Variants in NEK3 observed in about 807,000 individuals in gnomAD.
NEK3 encodes NIMA related kinase 3.
In NEK3, 54 loss-of-function variants were observed where a neutral mutation model predicts 66.0. That is an observed-to-expected ratio of 0.82 (90% CI 0.66 to 1.03). NEK3 has a LOEUF of 1.03. NEK3 is among the 50% of genes least tolerant of loss of function. NEK3 has a pLI of 0.00. For missense variants in NEK3, 593 were observed against 603.0 expected (o/e 0.98, Z 0.17); for synonymous variants, 200 against 206.2 (o/e 0.97, Z 0.26).
intron 2 of NEK3, among the ~76,000 whole-genome samples, chr13:52,155,675 A>G (rs1490582413): frequency 6.8e-6 from 1 of 146,250 alleles, no homozygotes; most frequent in African/African-American, 2.4e-5. Flanking sequence ...TAAAACTCAA[A>G]AACTTATTAT....
chr13:52,150,476 A>G (rs956900220), intron 7 of NEK3, among the ~76,000 whole-genome samples: 3 of 152,192 alleles, frequency 2.0e-5, no homozygotes, highest in Admixed American at 6.6e-5. Context: ...GTAAATGAAG[A>G]AAAAAACATC....
In NEK3 at chr13:52,144,593, A is replaced by G. The variant is rs1956277941; in HGVS notation, c.804+98T>C. On this transcript the variant is annotated intron_variant, in intron 9 of 15. Coordinates refer to ENST00000610828, the MANE Select transcript of NEK3 (RefSeq NM_002498.3). ...TTTAATATACTTCTGTATCATTTGG[A>G]TTTTGATGAGCACATGTAATGTATA... is the stretch of plus-strand genomic sequence containing the variant. 7.2e-6 allele frequency: 7 copies of G among 973,228 alleles called. No homozygotes were observed. In the South Asian group the frequency reaches 9.7e-5, roughly 13 times the overall value. The allele number at this position is 973,228 out of a possible 1,614,324, so 60.3% of individuals were successfully genotyped here.
At chr13:52,156,435 C>A in intron 1 of NEK3, 187 bp from the exon 2 acceptor site, 1 of 324,348 alleles carries the variant, frequency 3.1e-6, no homozygotes, top group Non-Finnish European at 5.7e-6. Flanking sequence ...CCAATTTGCT[C>A]TTTGCCCTCC....
chr13:52,135,668 T>G, intron 14 of NEK3, 61 bp downstream of exon 14: 3 of 1,449,596 alleles, frequency 2.1e-6, no homozygotes, highest in Non-Finnish European at 2.8e-6. Flanking sequence ...ATGTTATATA[T>G]ATTTGCCACA....
At chr13:52,144,354 T>A (rs1002686136) in intron 9 of NEK3, among the ~76,000 whole-genome samples, 2 of 152,132 alleles carry the variant, frequency 1.3e-5, no homozygotes, top group African/African-American at 2.4e-5. Context: ...AGGTGGAGGT[T>A]GCAGTGAGCC....
Position 52,133,214 on chromosome 13 carries a change from C to T in NEK3, c.1449G>A (p.Glu483=), listed in dbSNP as rs1816618569. ...ACACCCAGTCGGGGTTGTCATCTTC[C>T]TCCTCAAAGTCCCTGTGAAAAAACA... ...GLDEEDTDFE[E]EDDNPDWVSE... is the part of the protein sequence containing the mutation. The change falls in exon 16 of 16, where the codon GAG becomes GAA. Residue 483 remains glutamate (E), a synonymous_variant. Coordinates refer to ENST00000610828, the MANE Select transcript of NEK3 (RefSeq NM_002498.3). 2 of 1,607,084 alleles carry T rather than the reference C, an allele frequency of 1.2e-6. No homozygotes were observed. Among genetic ancestry groups the T allele is most frequent in the South Asian group, 2.2e-5 (2 of 89,122 alleles).
intron 5 of NEK3, among the ~76,000 whole-genome samples, chr13:52,152,069 AT>A (rs766039459): frequency 3.3e-5 from 5 of 152,224 alleles, no homozygotes; most frequent in Non-Finnish European, 5.9e-5. Flanking sequence ...CTGAGTACTT[AT>A]CCCCCTGTCG....
chr13:52,143,483 A>G (rs1201292014), intron 10 of NEK3, among the ~76,000 whole-genome samples: 1 of 152,170 alleles, frequency 6.6e-6, no homozygotes, highest in Non-Finnish European at 1.5e-5. Context: ...CCCATCACCC[A>G]GAGTCCACAG....
chr13:52,140,792 T>G (rs1956242487), intron 11 of NEK3, among the ~76,000 whole-genome samples: 1 of 151,902 alleles, frequency 6.6e-6, no homozygotes, highest in Non-Finnish European at 1.5e-5. Flanking sequence ...TAACCCGGTA[T>G]CCAGGAGGTA....
At chr13:52,158,698 C>G (rs1014701935) in intron 1 of NEK3, among the ~76,000 whole-genome samples, 1 of 152,182 alleles carries the variant, frequency 6.6e-6, no homozygotes, top group Non-Finnish European at 1.5e-5. Context: ...TCGGCCCCTT[C>G]GCATGCCTGC....
At chr13:52,146,026 T>C (rs747232243) in intron 8 of NEK3, among the ~76,000 whole-genome samples, 6 of 152,200 alleles carry the variant, frequency 3.9e-5, no homozygotes, top group Non-Finnish European at 7.3e-5. Flanking sequence ...GCATATTATG[T>C]TTTTATTTAT....
chr13:52,156,886 A>G (rs1052829964), intron 1 of NEK3: 6 of 152,232 alleles, frequency 3.9e-5, no homozygotes, highest in African/African-American at 1.4e-4. Flanking sequence ...GCAGACACTG[A>G]GCACCAACTC....
rs1433556996 is a variant in NEK3 at position 52,133,762 on chromosome 13, T to C, written c.1363A>G (p.Ser455Gly). Residue 455 changes from serine to glycine, a missense_variant, in exon 15 of 16, where the codon AGT (serine) becomes GGT (glycine). Coordinates refer to ENST00000610828, the MANE Select transcript of NEK3 (RefSeq NM_002498.3). The stretch of plus-strand genomic sequence containing the variant: ...ACAGAATCGTGACCTCCATCAACAC[T>C]GTCCGATGCTTCTGTTTCTTCAGAC... ...PLSEETEASD[S>G]VDGGHDSVIL... 1.3e-6 allele frequency: 2 copies of C among 1,591,250 alleles called. No individual in the cohort carries two copies. Among genetic ancestry groups the C allele is most frequent in the South Asian group, 2.3e-5 (2 of 87,342 alleles).
chr13:52,158,724 A>C (rs1287824724), intron 1 of NEK3, among the ~76,000 whole-genome samples: 1 of 152,218 alleles, frequency 6.6e-6, no homozygotes, highest in East Asian at 1.9e-4. Context: ...TACTTTTAAA[A>C]ACCTAATAAA....
At chr13:52,136,751 T>C in intron 12 of NEK3, 49 bp downstream of exon 12, 1 of 1,210,512 alleles carries the variant, frequency 8.3e-7, no homozygotes, top group South Asian at 1.5e-5. Context: ...TAAAAATTGG[T>C]ATTCCCCAAC....
chr13:52,146,590 AT>A (rs1956297609), intron 8 of NEK3, among the ~76,000 whole-genome samples: 1 of 152,236 alleles, frequency 6.6e-6, no homozygotes, highest in Admixed American at 6.5e-5. Context: ...AGATGTTGGA[AT>A]TTTAAAAATA....
intron 12 of NEK3, among the ~76,000 whole-genome samples, 167 bp from the exon 13 acceptor site, chr13:52,136,426 A>C (rs1348818478): frequency 6.6e-6 from 1 of 151,950 alleles, no homozygotes; most frequent in African/African-American, 2.4e-5. Flanking sequence ...AAGGAAATTT[A>C]AAAAAAAATC....
chr13:52,144,755 GA>G lies in NEK3; in HGVS notation c.739del (p.Ser247ArgfsTer11), dbSNP rs1323273963. 3 of 1,613,772 alleles carry G rather than the reference GA, an allele frequency of 1.9e-6. No homozygotes were observed. The highest frequency in any genetic ancestry group is 2.7e-5 in the African/African-American group (2 of 74,894). Reference protein sequence around the residue: ...MFKRNPSHRPSATTLLSRGIV... With the variant: ...MFKRNPSHRPXATTLLSRGIV... ...GCCTCGAGAGAGAAGCGTTGTAGCC[GA>G]GGGGCGATGTGAGGGATTCCTTTTA... On this transcript the variant is annotated frameshift_variant, in exon 9 of 16. Coordinates refer to ENST00000610828, the MANE Select transcript of NEK3 (RefSeq NM_002498.3). LOFTEE classifies it high-confidence loss of function.
chr13:52,144,956 GTTAT>G, intron 8 of NEK3, 65 bp from the exon 9 acceptor site: 1 of 1,058,414 alleles, frequency 9.4e-7, no homozygotes, highest in Non-Finnish European at 1.4e-6. Context: ...GAAACTACCA[GTTAT>G]GTAAATTATT....
Sources: gnomAD v4.1 joint callset for allele counts (sites outside exome capture counted in the v4.1 genomes callset) on GRCh38, gnomAD v4.1.1 for gene constraint, MANE v1.5 for transcripts, NCBI Gene and HGNC (gene_info 2026-07-23, HGNC 2026-07-21) for gene names.